Variants in MYH3 observed in about 807,000 individuals in gnomAD.
MYH3 encodes myosin-3.
MYH3 carries 130 observed loss-of-function variants against 238.0 expected under a neutral mutation model. The observed-to-expected ratio is 0.55, with a 90% CI of 0.47 to 0.63. The LOEUF (loss-of-function observed/expected upper bound fraction) is 0.63. Among genes scored for constraint, MYH3 ranks in the 30% least tolerant of loss-of-function variants. MYH3 has a pLI of 0.00. For missense variants in MYH3, 1,853 were observed against 2,374.9 expected (o/e 0.78, Z 4.57); for synonymous variants, 880 against 924.1 (o/e 0.95, Z 0.86).
rs200031876 is a variant in MYH3, at chr17:10,651,500, T to C, written c.505+12A>G. 5.6e-5 allele frequency: 91 copies of C among 1,613,068 alleles called. No individual in the cohort carries two copies. Among genetic ancestry groups the C allele is most frequent in the Non-Finnish European group, 7.3e-5 (86 of 1,179,692 alleles). On this transcript the variant is annotated intron_variant, in intron 5 of 40. Transcript: ENST00000583535. ...TGCTCCAGCATCCCATGCTTCCTCCTGGGAAACTCACCAGTCAGCATGAAC... is the reference window on the plus strand; with the variant it reads ...TGCTCCAGCATCCCATGCTTCCTCCCGGGAAACTCACCAGTCAGCATGAAC...
intron 4 of MYH3, chr17:10,652,101 C>G (rs996268206): frequency 7.0e-6 from 3 of 429,638 alleles, no homozygotes; most frequent in Non-Finnish European, 1.3e-5. Flanking sequence ...GGCTACCATT[C>G]CTATTTATAG....
intron 7 of MYH3, among the ~76,000 whole-genome samples, 193 bp downstream of exon 7, chr17:10,649,384 G>A (rs1314678892): frequency 6.6e-6 from 1 of 152,312 alleles, no homozygotes; most frequent in East Asian, 1.9e-4. Flanking sequence ...AAGAAATCCC[G>A]GGATCTAGTC....
chr17:10,633,521 A>T, intron 33 of MYH3, 70 bp downstream of exon 33: 1 of 1,600,420 alleles, frequency 6.2e-7, no homozygotes, highest in South Asian at 1.1e-5. Flanking sequence ...CACAGCATGG[A>T]GCAGCCAGCC....
At chr17:10,673,301 CT>C in the MYH3 span, 1 of 152,202 alleles carries the variant, frequency 6.6e-6, no homozygotes, top group Non-Finnish European at 1.5e-5. Flanking sequence ...CCAGGGCCTA[CT>C]TTTTATATCC....
Position 10,631,634 on chromosome 17 carries a change from T to C in MYH3, c.5263A>G (p.Lys1755Glu), listed in dbSNP as rs546653497. The C allele has an allele frequency of 1.5e-5, 25 of 1,613,900 alleles. No individual in the cohort carries two copies. The East Asian group carries it at 3.8e-4, about 24-fold the overall frequency. ...ACGTCCGTGATGGCCTTCTTGGCCTTCTCCTCAGCGTTCCTTGCATCCCTG... is the reference window on the plus strand; with the variant it reads ...ACGTCCGTGATGGCCTTCTTGGCCTCCTCCTCAGCGTTCCTTGCATCCCTG... ...ASRDARNAEE[K>E]AKKAITDAAM... is the part of the protein sequence containing the mutation. The change falls in exon 36 of 41, where the codon AAG becomes GAG. Residue 1755 changes from lysine to glutamate, a missense_variant. By Grantham distance (56) the Lys-to-Glu change is moderately conservative. Coordinates refer to ENST00000583535, the MANE Select transcript of MYH3 (RefSeq NM_002470.4).
At chr17:10,644,557 AC>A in intron 13 of MYH3, 26 bp downstream of exon 13, 6 of 1,613,396 alleles carry the variant, frequency 3.7e-6, no homozygotes, top group Non-Finnish European at 5.1e-6. Context: ...AGGGTCCTGC[AC>A]CCTTTCCCGG....
intron 40 of MYH3, among the ~76,000 whole-genome samples, chr17:10,628,924 A>G (rs538567953): frequency 2.6e-5 from 4 of 152,358 alleles, no homozygotes; most frequent in African/African-American, 9.6e-5. Flanking sequence ...CTGTGTGTTC[A>G]GCGGGCTCTG....
rs574377763 is a variant in MYH3 at position 10,654,725 on chromosome 17, C to T, written c.204+136G>A. 48 of 847,768 alleles carry T rather than the reference C, an allele frequency of 5.7e-5. 2 individuals are homozygous for T. Among genetic ancestry groups the T allele is most frequent in the South Asian group, 5.4e-4 (40 of 74,272 alleles). 52.5% of individuals were successfully genotyped at this position (847,768 alleles called of 1,614,324 possible). A position where few individuals can be genotyped will look rare whatever the true frequency, so the allele number is the denominator to read the frequency against. The stretch of plus-strand genomic sequence containing the variant: ...CTTTCTCTGAGGATACCTGGGAAGC[C>T]CCAGGCTACATTGTATGCGGCATTC... On this transcript the variant is annotated intron_variant, in intron 3 of 40. Coordinates refer to ENST00000583535, the MANE Select transcript of MYH3 (RefSeq NM_002470.4). The surrounding 1 kb of genome is among the most constrained non-coding windows in gnomAD (Gnocchi z 4.5).
At position 10,633,600 on chromosome 17, in the gene MYH3, C is replaced by A; in HGVS notation, c.4638G>T (p.Glu1546Asp). The A allele has an allele frequency of 6.2e-7, 1 of 1,613,310 alleles. No individual in the cohort carries two copies. Among genetic ancestry groups the A allele is most frequent in the Non-Finnish European group, 8.5e-7 (1 of 1,179,900 alleles). ...LEKADIQLAL[E>D]EAEAALEHEE... is the part of the protein sequence containing the mutation. The stretch of plus-strand genomic sequence containing the variant: ...GCCTCCCAGCACTCACCTCTGCTTC[C>A]TCGAGAGCCAGCTGGATATCAGCCT... Residue 1546 changes from glutamate to aspartate, a missense_variant, in exon 33 of 41, where the codon GAG becomes GAT. Glu to Asp is a conservative substitution (Grantham distance 45). Coordinates refer to ENST00000583535, the MANE Select transcript of MYH3 (RefSeq NM_002470.4).
Position 10,641,072 on chromosome 17 carries a change from G to C in MYH3, c.2165+13C>G. 6.4e-7 allele frequency: 1 copy of C among 1,555,754 alleles called. No homozygotes were observed. The highest frequency in any genetic ancestry group is 1.4e-5 in the African/African-American group (1 of 74,032). On this transcript the variant is annotated intron_variant, in intron 19 of 40. Coordinates refer to ENST00000583535, the MANE Select transcript of MYH3 (RefSeq NM_002470.4). The stretch of plus-strand genomic sequence containing the variant: ...TCTCATCCCCAAGCATATAGAACAT[G>C]TTTATTACACACCTTTGTTTAAAAT...
At chr17:10,634,242 A>G in intron 31 of MYH3, 60 bp from the exon 32 acceptor site, 2 of 1,589,406 alleles carry the variant, frequency 1.3e-6, no homozygotes, top group Non-Finnish European at 1.7e-6. Flanking sequence ...TTCTAACAAA[A>G]TACTAAATAA....
the MYH3 span, chr17:10,674,361 G>A: frequency 1.0e-5 from 2 of 193,296 alleles, no homozygotes; most frequent in African/African-American, 4.8e-5. Flanking sequence ...GGGAGGTGGA[G>A]GTTGCAGTGA....
chr17:10,662,991 G>A, the MYH3 span, among the ~76,000 whole-genome samples: 2 of 152,138 alleles, frequency 1.3e-5, no homozygotes, highest in African/African-American at 4.8e-5. Context: ...GGAGGCTGAG[G>A]CAGGAGAATC....
chr17:10,654,066 G>T lies in MYH3; in HGVS notation c.204+795C>A, dbSNP rs978912393. Among the ~76,000 whole-genome samples, 1 of 152,104 alleles carries T rather than the reference G, an allele frequency of 6.6e-6. No individual in the cohort carries two copies. The highest frequency in any genetic ancestry group is 1.5e-5 in the Non-Finnish European group (1 of 68,018). The stretch of plus-strand genomic sequence containing the variant: ...TCCACCTCCCGGGTTCACGTGCAGG[G>T]CGGTTTTTAATGCCTTTTTTCCTTC... On this transcript the variant is annotated intron_variant, in intron 3 of 40. Coordinates refer to ENST00000583535, the MANE Select transcript of MYH3 (RefSeq NM_002470.4). This position sits in a 1 kb window ranked among gnomAD's most constrained non-coding sequence, Gnocchi z 4.5.
chr17:10,648,897 A>G (rs554199427), intron 7 of MYH3, among the ~76,000 whole-genome samples: 1 of 152,148 alleles, frequency 6.6e-6, no homozygotes, highest in Admixed American at 6.5e-5. Context: ...TTGGTCTCGA[A>G]CTCCTAACCT....
Position 10,639,329 on chromosome 17 carries a change from G to A in MYH3, c.3071C>T (p.Thr1024Ile). The change falls in exon 24 of 41, where the codon ACC (threonine) becomes ATC (isoleucine). Residue 1024 changes from threonine (T) to isoleucine (I), a missense_variant. Transcript: ENST00000583535. ...CACTTGCTGTTCCAGTTTGCTCTTG[G>A]TTTTGTTCAAAGAATTGACTTTGTC... ...EEDKVNSLNK[T>I]KSKLEQQVED... 6.2e-7 allele frequency: 1 copy of A among 1,614,126 alleles called. No homozygotes were observed. The highest frequency in any genetic ancestry group is 1.1e-5 in the South Asian group (1 of 91,078).
rs2074165090 is a variant in MYH3 at position 10,631,983 on chromosome 17, C to A, written c.4990G>T (p.Gly1664Cys). 6.2e-7 allele frequency: 1 copy of A among 1,613,794 alleles called. No homozygotes were observed. Among genetic ancestry groups the A allele is most frequent in the East Asian group, 2.2e-5 (1 of 44,872 alleles). Residue 1664 changes from glycine (G) to cysteine (C), a missense_variant, in exon 35 of 41, where the codon GGC becomes TGC. Physicochemically the swap from Gly to Cys is radical, Grantham distance 159. This residue lies in a region of MYH3 where 1,044 missense variants were observed against 1,192.6 expected (regional missense o/e 0.88). Coordinates refer to ENST00000583535, the MANE Select transcript of MYH3 (RefSeq NM_002470.4). The part of the protein sequence containing the change: ...TQLHLDDALR[G>C]QEDLKEQLAI... The stretch of plus-strand genomic sequence containing the variant: ...AGCTGCTCCTTCAGGTCCTCCTGGC[C>A]CCGGAGGGCATCATCCAGGTGGAGC...
At position 10,638,288 on chromosome 17, in the gene MYH3, T is replaced by C. The variant is rs1429353686; in HGVS notation, c.3484A>G (p.Ile1162Val). 1 of 1,613,642 alleles carries C rather than the reference T, an allele frequency of 6.2e-7. No individual in the cohort carries two copies. The highest frequency in any genetic ancestry group is 1.7e-5 in the Admixed American group (1 of 60,004). ...EEAGGVTSTQ[I>V]ELNKKREAEF... ...GCCTCCCGCTTCTTGTTGAGCTCTA[T>C]CTGCGTGGAGGTGACGCCTCCCGCC... The change falls in exon 27 of 41, where the codon ATA (isoleucine) becomes GTA (valine). Residue 1162 changes from isoleucine (I) to valine (V), a missense_variant. Ile to Val is a conservative substitution (Grantham distance 29). Around this residue, in one of 3 missense-constraint regions of MYH3, gnomAD observed 1,044 missense variants for 1,192.6 expected, o/e 0.88. Coordinates refer to ENST00000583535, the MANE Select transcript of MYH3 (RefSeq NM_002470.4).
At chr17:10,651,420 A>T in intron 5 of MYH3, 92 bp downstream of exon 5, 2 of 1,601,672 alleles carry the variant, frequency 1.2e-6, no homozygotes, top group Non-Finnish European at 1.7e-6. Flanking sequence ...GCTAAACACC[A>T]GATGGGGTCC....
Sources: allele counts gnomAD v4.1 joint callset (sites outside exome capture counted in the v4.1 genomes callset), GRCh38; gene constraint gnomAD v4.1.1; regional missense constraint gnomAD v4.1.1; non-coding constraint Gnocchi (gnomAD v3.1); transcripts MANE v1.5; gene names NCBI Gene and HGNC (gene_info 2026-07-23, HGNC 2026-07-21).